The following CTIF variants were observed in gnomAD, a reference collection of about 807,000 sequenced individuals.
CTIF encodes the protein cap binding complex dependent translation initiation factor, also known as CBP80/20-dependent translation initiation factor.
A neutral mutation model predicts 66.0 loss-of-function variants in CTIF; 21 were observed. The observed-to-expected ratio is 0.32, with a 90% CI of 0.23 to 0.46. The LOEUF (loss-of-function observed/expected upper bound fraction) is 0.46. Ranked by LOEUF, CTIF falls within the 20% of genes least tolerant of loss-of-function variation. CTIF has a pLI of 1.00. For missense variants in CTIF, 739 were observed against 812.7 expected (o/e 0.91, Z 1.10); for synonymous variants, 345 against 326.4 (o/e 1.06, Z -0.62).
At chr18:48,631,242 T>C (rs1462826031) in intron 2 of CTIF, among the ~76,000 whole-genome samples, 1 of 152,092 alleles carries the variant, frequency 6.6e-6, no homozygotes, top group Non-Finnish European at 1.5e-5. Flanking sequence ...GGCAGGTGGA[T>C]CACCTGAGCT....
chr18:48,621,219 G>A (rs1452193573), intron 2 of CTIF, among the ~76,000 whole-genome samples: 1 of 152,052 alleles, frequency 6.6e-6, no homozygotes, highest in Admixed American at 6.5e-5. Flanking sequence ...AAAATGGAAC[G>A]GGGAGTGAGG....
At chr18:48,813,646 A>G (rs1259305016) in intron 9 of CTIF, among the ~76,000 whole-genome samples, 3 of 152,368 alleles carry the variant, frequency 2.0e-5, no homozygotes, top group East Asian at 3.9e-4. Context: ...TCAATCTCCT[A>G]GTAACCTTTG....
rs78012683 is a variant in CTIF, at chr18:48,554,989, G to A, written c.-29+15677G>A. Among the ~76,000 whole-genome samples, 1,144 of 152,326 alleles carry A rather than the reference G, an allele frequency of 7.5e-3. 8 individuals carry two copies. The highest frequency in any genetic ancestry group is 0.026 in the African/African-American group (1,099 of 41,560). On this transcript the variant is annotated intron_variant, in intron 1 of 11. Transcript: ENST00000256413. ...TCCTTCCAGGGTGACCAAGTATTCAGAGTGCCAAATCTTCTTTTGGAGGTA... is the reference window on the plus strand; with the variant it reads ...TCCTTCCAGGGTGACCAAGTATTCAAAGTGCCAAATCTTCTTTTGGAGGTA...
At chr18:48,750,336 G>C (rs1277094325) in intron 7 of CTIF, among the ~76,000 whole-genome samples, 1 of 152,256 alleles carries the variant, frequency 6.6e-6, no homozygotes, top group Non-Finnish European at 1.5e-5. Context: ...GTGGGGTTGA[G>C]GGGAGGCCTC....
At chr18:48,775,157 A>T (rs577828616) in intron 9 of CTIF, among the ~76,000 whole-genome samples, 1 of 152,040 alleles carries the variant, frequency 6.6e-6, no homozygotes, top group African/African-American at 2.4e-5. Context: ...CAACTGGTTG[A>T]CTCTGGGTGG....
chr18:48,749,490 T>A (rs1346076445), intron 7 of CTIF, among the ~76,000 whole-genome samples: 2 of 152,148 alleles, frequency 1.3e-5, no homozygotes, highest in Non-Finnish European at 2.9e-5. Flanking sequence ...GACCTAACAT[T>A]TGAAACAGCC....
intron 1 of CTIF, among the ~76,000 whole-genome samples, chr18:48,568,662 A>AAAAAAAG (rs2089338494): frequency 7.3e-6 from 1 of 137,168 alleles, no homozygotes; most frequent in Non-Finnish European, 1.6e-5. Flanking sequence ...AAAAAAAAAA[A>AAAAAAAG]AAAAAAGAGG....
intron 3 of CTIF, among the ~76,000 whole-genome samples, chr18:48,644,375 T>TGACAC (rs1598793670): frequency 6.6e-6 from 1 of 152,184 alleles, no homozygotes; most frequent in East Asian, 1.9e-4. Flanking sequence ...GTCTGGGACA[T>TGACAC]GACACAGTGG....
intron 1 of CTIF, among the ~76,000 whole-genome samples, chr18:48,599,811 G>T (rs1022693570): frequency 8.5e-5 from 13 of 152,220 alleles, no homozygotes; most frequent in East Asian, 5.8e-4. Context: ...GGAGGCGAAA[G>T]GGTGACCCCT....
intron 9 of CTIF, among the ~76,000 whole-genome samples, chr18:48,768,696 G>T (rs1242038811): frequency 2.0e-5 from 3 of 152,100 alleles, no homozygotes; most frequent in Non-Finnish European, 4.4e-5. Context: ...GATTGCTTGA[G>T]GCCAGGAGTT....
chr18:48,678,533 G>A (rs1361478374), intron 6 of CTIF, among the ~76,000 whole-genome samples: 1 of 152,086 alleles, frequency 6.6e-6, no homozygotes, highest in Admixed American at 6.5e-5. Context: ...AGGTCCACTG[G>A]GAAGGGGCAG....
intron 1 of CTIF, among the ~76,000 whole-genome samples, chr18:48,580,101 C>G (rs2089621266): frequency 6.6e-6 from 1 of 152,200 alleles, no homozygotes; most frequent in African/African-American, 2.4e-5. Context: ...TGGTCCCTGT[C>G]TGCCGGCTGG....
rs1341860702 is a variant in CTIF at position 48,859,485 on chromosome 18, G to A, written c.1723G>A (p.Ala575Thr). 1 of 1,614,172 alleles carries A rather than the reference G, an allele frequency of 6.2e-7. No individual in the cohort carries two copies. The highest frequency in any genetic ancestry group is 8.5e-7 in the Non-Finnish European group (1 of 1,180,044). ...SLLLEVIELH[A>T]NSWNPLTPPI... ...GCTCCTAGAGGTCATCGAGCTCCAC[G>A]CTAACAGCTGGAACCCTCTGACGCC... Residue 575 changes from alanine to threonine, a missense_variant, in exon 12 of 12, where the codon GCT becomes ACT. This residue lies in a region of CTIF where 210 missense variants were observed against 292.3 expected (regional missense o/e 0.72). Coordinates refer to ENST00000256413, the MANE Select transcript of CTIF (RefSeq NM_014772.3).
intron 9 of CTIF, among the ~76,000 whole-genome samples, chr18:48,805,868 G>A (rs1450623691): frequency 2.6e-5 from 4 of 152,222 alleles, no homozygotes; most frequent in South Asian, 2.1e-4. Flanking sequence ...GTCTGACCAC[G>A]TACCGTGGGA....
intron 7 of CTIF, among the ~76,000 whole-genome samples, chr18:48,715,939 G>A (rs899333191): frequency 6.6e-6 from 1 of 152,206 alleles, no homozygotes; most frequent in Admixed American, 6.5e-5. Flanking sequence ...GGCAGGCCTT[G>A]ATACCTCCAT....
At chr18:48,858,857 G>T (rs28583498) in intron 11 of CTIF, among the ~76,000 whole-genome samples, 5,840 of 152,272 alleles carry the variant, frequency 0.038, 367 homozygotes, top group African/African-American at 0.13. Flanking sequence ...GAGAGCGAGA[G>T]AAACAGGAGG....
chr18:48,708,627 T>G (rs1252566711), intron 6 of CTIF, among the ~76,000 whole-genome samples: 1 of 152,226 alleles, frequency 6.6e-6, no homozygotes, highest in African/African-American at 2.4e-5. Flanking sequence ...TGGCCTGGAT[T>G]GTTCCTGGAG....
At chr18:48,755,680 T>C (rs1406977134) in intron 7 of CTIF, 2 of 152,208 alleles carry the variant, frequency 1.3e-5, no homozygotes, top group Admixed American at 6.5e-5. Flanking sequence ...CAGGAATGTA[T>C]ATCAGAAACC....
At chr18:48,606,912 A>G (rs2090211977) in intron 1 of CTIF, among the ~76,000 whole-genome samples, 1 of 152,206 alleles carries the variant, frequency 6.6e-6, no homozygotes, top group South Asian at 2.1e-4. Flanking sequence ...TATGACAAGC[A>G]TTTAGCACAG....
Sources: allele counts gnomAD v4.1 joint callset (sites outside exome capture counted in the v4.1 genomes callset), GRCh38; gene constraint gnomAD v4.1.1; regional missense constraint gnomAD v4.1.1; transcripts MANE v1.5; gene names NCBI Gene and HGNC (gene_info 2026-07-23, HGNC 2026-07-21).